The following ROPN1L variants were observed in gnomAD, a reference collection of about 807,000 sequenced individuals.
ROPN1L encodes the protein ropporin-1-like protein.
In ROPN1L, 23 loss-of-function variants were observed where a neutral mutation model predicts 22.7. The observed-to-expected ratio is 1.01, with a 90% confidence interval of 0.73 to 1.43. ROPN1L has a LOEUF of 1.43. ROPN1L is among the 40% of genes most tolerant of loss of function. The pLI is 0.00. For synonymous variants in ROPN1L, 116 were observed against 117.8 expected (o/e 0.98, Z 0.10); for missense variants, 271 against 291.5 (o/e 0.93, Z 0.51).
intron 3 of ROPN1L, among the ~76,000 whole-genome samples, chr5:10,450,387 A>G (rs941487124): frequency 6.6e-6 from 1 of 152,238 alleles, no homozygotes; most frequent in Non-Finnish European, 1.5e-5. Context: ...AAAATGCATC[A>G]ATGACTTTTT....
chr5:10,447,585 G>A (rs908510917), intron 1 of ROPN1L, among the ~76,000 whole-genome samples: 3 of 152,224 alleles, frequency 2.0e-5, no homozygotes, highest in Non-Finnish European at 4.4e-5. Context: ...CCTGTCAAAA[G>A]TGGGAAGACG....
intron 2 of ROPN1L, among the ~76,000 whole-genome samples, 174 bp from the exon 3 acceptor site, chr5:10,449,778 G>GCTGCCTTCC (rs887392828): frequency 4.6e-5 from 7 of 152,140 alleles, no homozygotes; most frequent in African/African-American, 1.4e-4. Flanking sequence ...GTTGCCGCTC[G>GCTGCCTTCC]CTGCCTTCCC....
rs191540203 is a variant in ROPN1L at position 10,452,494 on chromosome 5, G to A, written c.417+2381G>A. Among the ~76,000 whole-genome samples, 192 of 150,344 alleles carry A rather than the reference G, an allele frequency of 1.3e-3. 1 individual carries two copies. The East Asian group carries it at 0.031, about 25-fold the overall frequency. On this transcript the variant is annotated intron_variant, in intron 3 of 4. Transcript: ENST00000274134. ...TGGGATTACAGGCATGGACCTCCAC[G>A]CCTGGCTAATTTTTTGTATTTTTAG...
intron 3 of ROPN1L, 146 bp from the exon 4 acceptor site, chr5:10,461,038 C>A: frequency 1.6e-6 from 1 of 638,530 alleles, no homozygotes; most frequent in Non-Finnish European, 2.5e-6. Context: ...TGTACATTCA[C>A]CTAGTTCTCA....
intron 3 of ROPN1L, among the ~76,000 whole-genome samples, chr5:10,459,069 G>A (rs2126459756): frequency 6.6e-6 from 1 of 150,750 alleles, no homozygotes; most frequent in South Asian, 2.1e-4. Context: ...GTTCCACTGG[G>A]CGCCTGACAG....
chr5:10,466,438 A>G (rs1735155647), downstream of ROPN1L, among the ~76,000 whole-genome samples: 1 of 152,172 alleles, frequency 6.6e-6, no homozygotes, highest in Non-Finnish European at 1.5e-5. Context: ...TCAGCGTGCA[A>G]CACAGCATCA....
At position 10,464,852 on chromosome 5, in the gene ROPN1L, G is replaced by A. The variant is rs137857729; in HGVS notation, c.598G>A (p.Ala200Thr). The A allele has an allele frequency of 3.8e-5, 61 of 1,585,528 alleles. No homozygotes were observed. Among genetic ancestry groups the A allele is most frequent in the African/African-American group, 1.2e-4 (9 of 73,762 alleles). The change falls in exon 5 of 5, where the codon GCC becomes ACC. Residue 200 changes from alanine to threonine, a missense_variant. By Grantham distance (58) the Ala-to-Thr change is moderately conservative. Coordinates refer to ENST00000274134, the MANE Select transcript of ROPN1L (RefSeq NM_031916.5). ...CTTTATCTGTTTCCAATTTAGAGAC[G>A]CCAGGAAGAACGGCATGATAGGTCT... is the stretch of plus-strand genomic sequence containing the variant. ...YLASLKENID[A>T]RKNGMIGLSD...
rs1740896044 is a variant in ROPN1L, at chr5:10,442,063, G to C, written c.-105G>C. 2.7e-6 allele frequency: 4 copies of C among 1,491,932 alleles called. No individual in the cohort carries two copies. Among genetic ancestry groups the C allele is most frequent in the Non-Finnish European group, 1.8e-6 (2 of 1,100,140 alleles). The allele number at this position is 1,491,932 out of a possible 1,614,324, so 92.4% of individuals were successfully genotyped here. A position where few individuals can be genotyped will look rare whatever the true frequency, so the allele number is the denominator to read the frequency against. On this transcript the variant is annotated 5_prime_UTR_variant, in exon 1 of 5. Coordinates refer to ENST00000274134, the MANE Select transcript of ROPN1L (RefSeq NM_031916.5). ...AACGGGATGGGAGGCGGCCCTGGCCGCAAGCCCCGCGCTGCTAGCGGGTCC... is the reference window on the plus strand; with the variant it reads ...AACGGGATGGGAGGCGGCCCTGGCCCCAAGCCCCGCGCTGCTAGCGGGTCC...
downstream of ROPN1L, among the ~76,000 whole-genome samples, chr5:10,472,455 C>T (rs1025786953): frequency 3.3e-5 from 5 of 152,188 alleles, no homozygotes; most frequent in African/African-American, 1.2e-4. Context: ...GGATGAGAGC[C>T]TTCTCTGGGT....
At chr5:10,474,254 G>A (rs1420784482), downstream of ROPN1L, among the ~76,000 whole-genome samples, 1 of 151,866 alleles carries the variant, frequency 6.6e-6, no homozygotes, top group Non-Finnish European at 1.5e-5. Flanking sequence ...TCAAGATTCC[G>A]TCCACTGGCA....
chr5:10,468,983 G>A (rs1014590006), downstream of ROPN1L, among the ~76,000 whole-genome samples: 4 of 151,590 alleles, frequency 2.6e-5, no homozygotes, highest in African/African-American at 4.8e-5. Flanking sequence ...GTGAAACCCC[G>A]TCTCTACTAA....
At position 10,462,291 on chromosome 5, in the gene ROPN1L, A is replaced by C. The variant is rs143083378; in HGVS notation, c.593+932A>C. 3.0e-3 allele frequency among the ~76,000 whole-genome samples: 455 copies of C among 152,368 alleles called. 2 individuals carry two copies. Among genetic ancestry groups the C allele is most frequent in the African/African-American group, 0.011 (437 of 41,592 alleles). On this transcript the variant is annotated intron_variant, in intron 4 of 4. Transcript: ENST00000274134. ...GAAGACCAAATATATATTTCACAATATCACATCCCTTGTCTGCAATAACTT... is the reference window on the plus strand; with the variant it reads ...GAAGACCAAATATATATTTCACAATCTCACATCCCTTGTCTGCAATAACTT...
intron 2 of ROPN1L, among the ~76,000 whole-genome samples, chr5:10,448,902 TC>T (rs1174704329): frequency 2.0e-5 from 3 of 152,346 alleles, no homozygotes; most frequent in East Asian, 3.9e-4. Context: ...CCACACGCCA[TC>T]CTGTTTTTAC....
At chr5:10,452,528 G>A (rs993064828) in intron 3 of ROPN1L, among the ~76,000 whole-genome samples, 21 of 151,358 alleles carry the variant, frequency 1.4e-4, no homozygotes, top group African/African-American at 5.1e-4. Context: ...AGTAGAGACA[G>A]CGTTTCACCA....
chr5:10,481,328 A>G, the ROPN1L span, among the ~76,000 whole-genome samples: 1 of 152,220 alleles, frequency 6.6e-6, no homozygotes, highest in Non-Finnish European at 1.5e-5. Flanking sequence ...CAGGGCCACG[A>G]GCGTTGTTAG....
downstream of ROPN1L, among the ~76,000 whole-genome samples, chr5:10,467,800 A>C (rs1028081623): frequency 6.6e-6 from 1 of 152,072 alleles, no homozygotes; most frequent in African/African-American, 2.4e-5. Context: ...TTTTCCTTTC[A>C]TGACACCGTC....
At chr5:10,443,736 A>G (rs996157476) in intron 1 of ROPN1L, among the ~76,000 whole-genome samples, 3 of 151,958 alleles carry the variant, frequency 2.0e-5, no homozygotes, top group Non-Finnish European at 4.4e-5. Context: ...TGCTCTTTCC[A>G]GTGGTTCTCA....
chr5:10,475,415 T>A (rs1560932097), downstream of ROPN1L, among the ~76,000 whole-genome samples: 1 of 152,158 alleles, frequency 6.6e-6, no homozygotes, highest in Non-Finnish European at 1.5e-5. Flanking sequence ...TATAAAACTT[T>A]CCCTGTTCAA....
chr5:10,472,415 A>T (rs1318408199), downstream of ROPN1L, among the ~76,000 whole-genome samples: 1 of 152,206 alleles, frequency 6.6e-6, no homozygotes, highest in Non-Finnish European at 1.5e-5. Flanking sequence ...TGATTTGCCC[A>T]AGAGAGTTGG....
Sources: gnomAD v4.1 joint callset for allele counts (sites outside exome capture counted in the v4.1 genomes callset) on GRCh38, gnomAD v4.1.1 for gene constraint, MANE v1.5 for transcripts, NCBI Gene and HGNC (gene_info 2026-07-23, HGNC 2026-07-21) for gene names.